Variants in ACTN4 observed in about 807,000 individuals in gnomAD.
ACTN4 encodes the protein alpha-actinin-4.
ACTN4 carries 18 observed loss-of-function variants against 114.2 expected under a neutral mutation model. That is an observed-to-expected ratio of 0.16 (90% CI 0.11 to 0.23). ACTN4 has a LOEUF of 0.23. ACTN4 is among the 10% of genes least tolerant of loss of function. ACTN4 has a pLI of 1.00. For synonymous variants in ACTN4, 515 were observed against 506.3 expected (o/e 1.02, Z -0.23); for missense variants, 722 against 1,262.9 (o/e 0.57, Z 6.49).
At chr19:38,674,436 T>G (rs531530817) in intron 1 of ACTN4, among the ~76,000 whole-genome samples, 128 of 152,294 alleles carry the variant, frequency 8.4e-4, no homozygotes, top group Non-Finnish European at 1.6e-3. Flanking sequence ...GTCACTGTTT[T>G]AGGTACTGGG....
intron 1 of ACTN4, among the ~76,000 whole-genome samples, chr19:38,662,061 G>A (rs1198546707): frequency 1.3e-5 from 2 of 152,168 alleles, no homozygotes; most frequent in Admixed American, 6.5e-5. Context: ...TGGAGTGAGG[G>A]TGGTTCTAGT....
intron 19 of ACTN4, 84 bp from the exon 20 acceptor site, chr19:38,728,912 T>C: frequency 6.4e-7 from 1 of 1,568,344 alleles, no homozygotes; most frequent in Non-Finnish European, 8.8e-7. Flanking sequence ...CTCGGCTGTT[T>C]CCCTGGAGAC....
chr19:38,684,966 A>G (rs1967696078), intron 1 of ACTN4, among the ~76,000 whole-genome samples: 1 of 152,030 alleles, frequency 6.6e-6, no homozygotes, highest in Non-Finnish European at 1.5e-5. Flanking sequence ...TGTTTGTTTG[A>G]GACGGAATCT....
At chr19:38,710,210 AC>A in intron 7 of ACTN4, 46 bp from the exon 8 acceptor site, 4 of 1,602,886 alleles carry the variant, frequency 2.5e-6, no homozygotes, top group Non-Finnish European at 3.4e-6. Context: ...TGACGCCTCC[AC>A]CCCCCGCCCT....
In ACTN4 at chr19:38,730,224, T is replaced by TTTA. The variant is rs1259686661; in HGVS notation, c.*797_*799dup. Reference sequence around the variant, plus strand: ...ACTATTTACTTTATTAACTTACGGATTTATTATATAAATATATATTCACCT... The same window carrying TTTA: ...ACTATTTACTTTATTAACTTACGGATTTATTATTATATAAATATATATTCACCT... On this transcript the variant is annotated 3_prime_UTR_variant, in exon 21 of 21. Transcript: ENST00000252699. The TTTA allele has an allele frequency of 6.4e-6, 1 of 157,126 alleles. No individual in the cohort carries two copies. The highest frequency in any genetic ancestry group is 1.4e-5 in the Non-Finnish European group (1 of 70,946). 9.7% of individuals were successfully genotyped at this position (157,126 alleles called of 1,614,324 possible).
intron 13 of ACTN4, 59 bp from the exon 14 acceptor site, chr19:38,723,878 C>T (rs1285393064): frequency 1.3e-6 from 2 of 1,593,154 alleles, no homozygotes; most frequent in African/African-American, 1.3e-5. Context: ...CCCACCCCTC[C>T]TGCTCACATA....
In ACTN4 at chr19:38,730,487, C is replaced by G. The variant is rs570506891; in HGVS notation, c.*1055C>G. ...TTTTCTTGGTTTCTGGATAAACCACCCTCTGGGGACAGGATAATAAAACAT... is the reference window on the plus strand; with the variant it reads ...TTTTCTTGGTTTCTGGATAAACCACGCTCTGGGGACAGGATAATAAAACAT... On this transcript the variant is annotated 3_prime_UTR_variant, in exon 21 of 21. Coordinates refer to ENST00000252699, the MANE Select transcript of ACTN4 (RefSeq NM_004924.6). The G allele has an allele frequency of 3.8e-5, 10 of 261,690 alleles. No individual in the cohort carries two copies. The highest frequency in any genetic ancestry group is 1.2e-3 in the Middle Eastern group (1 of 830). 16.2% of individuals were successfully genotyped at this position (261,690 alleles called of 1,614,324 possible). A position where few individuals can be genotyped will look rare whatever the true frequency, so the allele number is the denominator to read the frequency against.
intron 1 of ACTN4, among the ~76,000 whole-genome samples, chr19:38,656,587 A>G (rs902746281): frequency 2.6e-5 from 4 of 152,236 alleles, no homozygotes; most frequent in Non-Finnish European, 4.4e-5. Flanking sequence ...AACTATCCAC[A>G]TGGGGCAGAA....
intron 11 of ACTN4, chr19:38,718,345 A>G: frequency 3.3e-6 from 2 of 606,756 alleles, no homozygotes; most frequent in Non-Finnish European, 6.0e-6. Flanking sequence ...TGGGCAACAT[A>G]GCGAGACCCT....
intron 1 of ACTN4, among the ~76,000 whole-genome samples, chr19:38,695,347 G>A (rs1365419208): frequency 6.6e-6 from 1 of 152,160 alleles, no homozygotes; most frequent in Non-Finnish European, 1.5e-5. Context: ...AGATGACCGC[G>A]ATCATGAAGC....
intron 8 of ACTN4, 58 bp from the exon 9 acceptor site, chr19:38,714,411 C>T (rs1478415310): frequency 6.5e-7 from 1 of 1,534,904 alleles, no homozygotes; most frequent in Non-Finnish European, 9.0e-7. Context: ...AGGGACGTGC[C>T]CGTCAGGAGG....
chr19:38,683,745 A>G (rs576297957), intron 1 of ACTN4: 2 of 152,340 alleles, frequency 1.3e-5, no homozygotes, highest in East Asian at 3.9e-4. Flanking sequence ...ATGCCCATAT[A>G]AGGCAAACTC....
intron 1 of ACTN4, among the ~76,000 whole-genome samples, chr19:38,660,452 A>G (rs1481135951): frequency 2.6e-5 from 4 of 151,240 alleles, no homozygotes; most frequent in Admixed American, 2.6e-4. Context: ...CTGGAGTGCA[A>G]TGGCGTGTTC....
chr19:38,723,922 C>A lies in ACTN4; in HGVS notation c.1552-15C>A, dbSNP rs201588316. 2.5e-6 allele frequency: 4 copies of A among 1,613,158 alleles called. No homozygotes were observed. In the East Asian group the frequency reaches 8.9e-5, roughly 36 times the overall value. On this transcript the variant is annotated splice_polypyrimidine_tract_variant and intron_variant, in intron 13 of 20. Coordinates refer to ENST00000252699, the MANE Select transcript of ACTN4 (RefSeq NM_004924.6). ...CCTTCCCTCTGTCCCTGCCCCCTTC[C>A]CTCCCACACACTAGAAAACAGAGAA... is the stretch of plus-strand genomic sequence containing the variant.
chr19:38,728,518 GCGCAGC>G (rs1369394270), intron 19 of ACTN4: 1 of 582,230 alleles, frequency 1.7e-6, no homozygotes. Context: ...CGCCCGAGCA[GCGCAGC>G]CGTGCCTGCC....
At chr19:38,719,677 A>C (rs1306030968) in intron 11 of ACTN4, among the ~76,000 whole-genome samples, 1 of 152,268 alleles carries the variant, frequency 6.6e-6, no homozygotes, top group Non-Finnish European at 1.5e-5. Context: ...TTCAACAGAC[A>C]GCTCAGGTGG....
chr19:38,724,085 C>A lies in ACTN4; in HGVS notation c.1692+8C>A. 6.2e-7 allele frequency: 1 copy of A among 1,613,278 alleles called. No homozygotes were observed. Among genetic ancestry groups the A allele is most frequent in the Non-Finnish European group, 8.5e-7 (1 of 1,179,792 alleles). Reference sequence around the variant, plus strand: ...ACCATCGAGGAGATTGAGGTTCGCACCCCCCGGCCCCCCATCTTCCCAAGA... The same window carrying A: ...ACCATCGAGGAGATTGAGGTTCGCAACCCCCGGCCCCCCATCTTCCCAAGA... On this transcript the variant is annotated splice_region_variant and intron_variant, in intron 14 of 20. Transcript: ENST00000252699. The surrounding 1 kb of genome is among the most constrained non-coding windows in gnomAD (Gnocchi z 7.0).
intron 1 of ACTN4, among the ~76,000 whole-genome samples, chr19:38,666,179 T>A (rs1001659840): frequency 2.0e-5 from 3 of 151,074 alleles, no homozygotes; most frequent in Non-Finnish European, 4.4e-5. Context: ...GCCCCCCCCT[T>A]TCCTGGGGTC....
intron 1 of ACTN4, among the ~76,000 whole-genome samples, chr19:38,699,215 C>T (rs1287576842): frequency 2.6e-5 from 4 of 152,334 alleles, no homozygotes; most frequent in African/African-American, 9.6e-5. Context: ...CATGCCCCAG[C>T]TTGCAGGGGG....
Sources: gnomAD v4.1 joint callset for allele counts (sites outside exome capture counted in the v4.1 genomes callset) on GRCh38, gnomAD v4.1.1 for gene constraint, Gnocchi (gnomAD v3.1) non-coding constraint, MANE v1.5 for transcripts, NCBI Gene and HGNC (gene_info 2026-07-23, HGNC 2026-07-21) for gene names.